The following AP3B1 variants were observed in gnomAD, a reference collection of about 807,000 sequenced individuals.
The protein encoded by AP3B1 is AP-3 complex subunit beta-1.
Under a neutral mutation model 132.5 loss-of-function variants are expected in AP3B1, and 61 were observed. That is an observed-to-expected ratio of 0.46 (90% CI 0.37 to 0.57). The LOEUF (loss-of-function observed/expected upper bound fraction) is 0.57, where lower values mean the gene tolerates loss of function less well. Among genes scored for constraint, AP3B1 ranks in the 20% least tolerant of loss-of-function variants. The probability of loss-of-function intolerance (pLI) is 0.00; values close to 1 mark genes in which losing one functional copy is unlikely to be tolerated. For synonymous variants in AP3B1, 388 were observed against 438.3 expected (o/e 0.89, Z 1.43); for missense variants, 1,120 against 1,289.4 (o/e 0.87, Z 2.01).
chr5:78,177,575 G>C (rs1744200101), intron 8 of AP3B1, 139 bp from the exon 9 acceptor site: 1 of 719,818 alleles, frequency 1.4e-6, no homozygotes, highest in Admixed American at 2.1e-5. Context: ...TTCGTAGTGA[G>C]TTGAAGAAGT....
chr5:78,236,014 C>A (rs1222869510), intron 3 of AP3B1, among the ~76,000 whole-genome samples: 1 of 151,852 alleles, frequency 6.6e-6, no homozygotes, highest in African/African-American at 2.4e-5. Flanking sequence ...TCAGTTTTCC[C>A]AAAACATTAA....
intron 14 of AP3B1, 48 bp from the exon 15 acceptor site, chr5:78,141,367 C>T (rs1753140236): frequency 1.4e-6 from 2 of 1,452,684 alleles, no homozygotes; most frequent in Admixed American, 1.7e-5. Flanking sequence ...TAATCATACT[C>T]TAATATTAAC....
chr5:78,055,976 CTTGAGACAATATTTTACACT>C (rs1748796406), intron 22 of AP3B1, among the ~76,000 whole-genome samples: 1 of 152,014 alleles, frequency 6.6e-6, no homozygotes, highest in Non-Finnish European at 1.5e-5. Flanking sequence ...ACAACCACAC[CTTGAGACAATATTTTACACT>C]TCTTTACTTC....
intron 22 of AP3B1, among the ~76,000 whole-genome samples, chr5:78,060,391 C>A (rs143358065): frequency 6.6e-6 from 1 of 152,112 alleles, no homozygotes; most frequent in African/African-American, 2.4e-5. Context: ...CAGTCTGTAT[C>A]GGTCTGATAG....
At chr5:78,227,256 G>A in intron 5 of AP3B1, 116 bp downstream of exon 5, 1 of 983,302 alleles carries the variant, frequency 1.0e-6, no homozygotes, top group Non-Finnish European at 1.6e-6. Flanking sequence ...ACAGTCACTG[G>A]ATTTACTTAG....
In AP3B1 at chr5:78,141,202, G is replaced by A. The variant is rs1206367166; in HGVS notation, c.1591C>T (p.Leu531=). 1.2e-6 allele frequency: 2 copies of A among 1,613,834 alleles called. No individual in the cohort carries two copies. Among genetic ancestry groups the A allele is most frequent in the Non-Finnish European group, 1.7e-6 (2 of 1,179,796 alleles). The part of the protein sequence containing the change: ...MAKSFTSEDD[L]VKLQILNLGA... ...AGATTTAATATCTGCAGTTTTACCAGATCATCTTCACTAGTGAAGCTTTTA... is the reference window on the plus strand; with the variant it reads ...AGATTTAATATCTGCAGTTTTACCAAATCATCTTCACTAGTGAAGCTTTTA... The change falls in exon 15 of 27, where the codon CTG becomes TTG. Residue 531 remains leucine, a synonymous_variant. Transcript: ENST00000255194.
intron 21 of AP3B1, among the ~76,000 whole-genome samples, chr5:78,100,533 T>C (rs1430667743): frequency 6.6e-6 from 1 of 152,172 alleles, no homozygotes; most frequent in Non-Finnish European, 1.5e-5. Context: ...CCATTCCTAC[T>C]GAAATTGTGC....
intron 1 of AP3B1, among the ~76,000 whole-genome samples, chr5:78,289,407 T>C (rs1483474957): frequency 6.6e-6 from 1 of 152,224 alleles, no homozygotes; most frequent in African/African-American, 2.4e-5. Flanking sequence ...CTGGGTTGTA[T>C]TACTGACTAC....
At chr5:78,148,062 G>A (rs563252183) in intron 14 of AP3B1, among the ~76,000 whole-genome samples, 15 of 151,864 alleles carry the variant, frequency 9.9e-5, no homozygotes, top group Admixed American at 4.6e-4. Flanking sequence ...GAGAATGAGC[G>A]AGAAAAAGAA....
chr5:78,124,488 T>C (rs1430233670), intron 17 of AP3B1, among the ~76,000 whole-genome samples: 1 of 152,168 alleles, frequency 6.6e-6, no homozygotes, highest in Non-Finnish European at 1.5e-5. Flanking sequence ...GGCAGGAGGA[T>C]GGCTTGAGCC....
rs1229443158 is a variant in AP3B1, at chr5:78,223,019, G to GTTTCTCTTTTT, written c.603+2522_603+2523insAAAAAGAGAAA. On this transcript the variant is annotated intron_variant, in intron 6 of 26. Transcript: ENST00000255194. ...CTGTTTCTTGTTTTTTTGTTTGTTT[G>GTTTCTCTTTTT]TTTGTTTCTTTTTTTTTTTTTGTAG... is the stretch of plus-strand genomic sequence containing the variant. Among the ~76,000 whole-genome samples, 160 of 105,356 alleles carry GTTTCTCTTTTT rather than the reference G, an allele frequency of 1.5e-3. 1 individual carries two copies. The highest frequency in any genetic ancestry group is 5.4e-3 in the African/African-American group (152 of 27,910). The allele number at this position is 105,356 out of a possible 152,430, so 69.1% of individuals were successfully genotyped here. A position where few individuals can be genotyped will look rare whatever the true frequency, so the allele number is the denominator to read the frequency against.
chr5:78,220,577 T>C (rs960922581), intron 6 of AP3B1, among the ~76,000 whole-genome samples: 4 of 151,058 alleles, frequency 2.6e-5, no homozygotes, highest in African/African-American at 9.7e-5. Context: ...ACCCTAAGTG[T>C]GAAAATACTG....
At chr5:78,147,701 A>G (rs1753466791) in intron 14 of AP3B1, among the ~76,000 whole-genome samples, 1 of 152,218 alleles carries the variant, frequency 6.6e-6, no homozygotes, top group Non-Finnish European at 1.5e-5. Flanking sequence ...TAGAGCTGTA[A>G]GACTGTACTT....
chr5:78,294,683 G>C lies in AP3B1; in HGVS notation c.-104C>G. ...AAAACTAGTTCTCGTACGGAGGAGC[G>C]CGCGCAGGCGCTTCCGGACTCGTCA... is the stretch of plus-strand genomic sequence containing the variant. On this transcript the variant is annotated 5_prime_UTR_variant, in exon 1 of 27. Transcript: ENST00000255194. 1 of 1,571,720 alleles carries C rather than the reference G, an allele frequency of 6.4e-7. No individual in the cohort carries two copies. Among genetic ancestry groups the C allele is most frequent in the South Asian group, 1.1e-5 (1 of 89,890 alleles).
intron 15 of AP3B1, among the ~76,000 whole-genome samples, chr5:78,132,330 A>T (rs1286405824): frequency 6.6e-6 from 1 of 152,232 alleles, no homozygotes. Context: ...AATTTACAAC[A>T]GCATTTGCAA....
At chr5:78,193,735 TATA>T (rs1744940033) in intron 7 of AP3B1, among the ~76,000 whole-genome samples, 3 of 65,990 alleles carry the variant, frequency 4.5e-5, no homozygotes, top group Admixed American at 4.7e-4. Flanking sequence ...AATATTTGTA[TATA>T]TTTTTTTATA....
At chr5:78,292,570 C>G (rs920980377) in intron 1 of AP3B1, among the ~76,000 whole-genome samples, 1 of 152,184 alleles carries the variant, frequency 6.6e-6, no homozygotes, top group Non-Finnish European at 1.5e-5. Flanking sequence ...AACAACCTTG[C>G]TCCAATTTCC....
chr5:78,107,205 A>C (rs2112245576), intron 20 of AP3B1, among the ~76,000 whole-genome samples: 1 of 152,302 alleles, frequency 6.6e-6, no homozygotes, highest in South Asian at 2.1e-4. Context: ...GTAAGAACAA[A>C]AGGGATGCAG....
chr5:78,049,163 T>C (rs1357990082), intron 22 of AP3B1, among the ~76,000 whole-genome samples: 2 of 152,206 alleles, frequency 1.3e-5, no homozygotes, highest in African/African-American at 2.4e-5. Context: ...GAGTTCTGTA[T>C]TGCGGTTAGA....
Sources: gnomAD v4.1 joint callset for allele counts (sites outside exome capture counted in the v4.1 genomes callset) on GRCh38, gnomAD v4.1.1 for gene constraint, MANE v1.5 for transcripts, NCBI Gene and HGNC (gene_info 2026-07-23, HGNC 2026-07-21) for gene names.